FIG4: variants seen among roughly 807,000 people sequenced by gnomAD.
FIG4 encodes the protein FIG4 phosphoinositide 5-phosphatase, also known as polyphosphoinositide phosphatase.
FIG4 carries 112 observed loss-of-function variants against 118.6 expected under a neutral mutation model. That is an observed-to-expected ratio of 0.94 (90% CI 0.81 to 1.11). The LOEUF is 1.11. Ranked by LOEUF, FIG4 falls within the 50% of genes least tolerant of loss-of-function variation. The probability of loss-of-function intolerance (pLI) is 0.00; values close to 1 mark genes in which losing one functional copy is unlikely to be tolerated. For synonymous variants in FIG4, 369 were observed against 381.2 expected (o/e 0.97, Z 0.37); for missense variants, 969 against 1,111.7 (o/e 0.87, Z 1.83).
At chr6:109,769,861 G>C (rs13198879) in intron 15 of FIG4, among the ~76,000 whole-genome samples, 42,904 of 152,126 alleles carry the variant, frequency 0.28, 6,110 homozygotes, top group Middle Eastern at 0.36. Flanking sequence ...CGAGGCTGCA[G>C]TGAACTATGA....
At chr6:109,766,370 C>CT (rs1386008300) in intron 14 of FIG4, among the ~76,000 whole-genome samples, 2 of 152,170 alleles carry the variant, frequency 1.3e-5, no homozygotes, top group African/African-American at 4.8e-5. Flanking sequence ...GGAGCATATT[C>CT]TTTTTTCAGA....
intron 22 of FIG4, among the ~76,000 whole-genome samples, chr6:109,814,171 C>T (rs1044797202): frequency 1.3e-5 from 2 of 152,102 alleles, no homozygotes; most frequent in South Asian, 2.1e-4. Flanking sequence ...TATTTAAAGA[C>T]AGTCTCGCTC....
At chr6:109,762,014 T>C (rs1450112078) in intron 11 of FIG4, 77 bp from the exon 12 acceptor site, 3 of 850,294 alleles carry the variant, frequency 3.5e-6, no homozygotes, top group South Asian at 1.4e-5. Flanking sequence ...CTATAGACTT[T>C]ACTGGCTTTA....
chr6:109,800,133 G>A (rs893313007), intron 22 of FIG4, among the ~76,000 whole-genome samples: 2 of 152,024 alleles, frequency 1.3e-5, no homozygotes, highest in Admixed American at 1.3e-4. Flanking sequence ...CTAGCAAGTA[G>A]AGGAACCAGG....
In FIG4 at chr6:109,743,210, G is replaced by A. The variant is rs1776380331; in HGVS notation, c.977G>A (p.Gly326Glu). 1 of 1,612,986 alleles carries A rather than the reference G, an allele frequency of 6.2e-7. No individual in the cohort carries two copies. Residue 326 changes from glycine to glutamate, a missense_variant, in exon 9 of 23, where the codon GGA becomes GAA. By Grantham distance (98) the Gly-to-Glu change is moderately conservative (BLOSUM62 -2). Coordinates refer to ENST00000230124, the MANE Select transcript of FIG4 (RefSeq NM_014845.6). Reference sequence around the variant, plus strand: ...TATTCTTCATATGTACAAGTTAGAGGATCTGTGCCCTTATACTGGTCTCAG... The same window carrying A: ...TATTCTTCATATGTACAAGTTAGAGAATCTGTGCCCTTATACTGGTCTCAG... ...GSYSSYVQVR[G>E]SVPLYWSQDI... is the part of the protein sequence containing the mutation.
intron 15 of FIG4, among the ~76,000 whole-genome samples, chr6:109,768,560 C>A (rs1164817221): frequency 6.6e-6 from 1 of 152,132 alleles, no homozygotes; most frequent in Non-Finnish European, 1.5e-5. Context: ...TGCTTAGGGT[C>A]TCTCAAGGCT....
chr6:109,815,671 G>A (rs1009427236), intron 22 of FIG4, among the ~76,000 whole-genome samples: 4 of 151,928 alleles, frequency 2.6e-5, no homozygotes, highest in East Asian at 1.9e-4. Context: ...AAAGGCCATC[G>A]GCACTGAAAG....
intron 1 of FIG4, among the ~76,000 whole-genome samples, chr6:109,696,463 C>CTTAGTTTATT (rs1774722882): frequency 6.6e-6 from 1 of 152,104 alleles, no homozygotes; most frequent in Non-Finnish European, 1.5e-5. Context: ...GCACTATTCA[C>CTTAGTTTATT]GATAGCTAAG....
At chr6:109,816,934 T>G (rs1345033800) in intron 22 of FIG4, among the ~76,000 whole-genome samples, 1 of 152,196 alleles carries the variant, frequency 6.6e-6, no homozygotes, top group African/African-American at 2.4e-5. Flanking sequence ...TGGTCTGAGT[T>G]TCCAGGAGTG....
intron 15 of FIG4, among the ~76,000 whole-genome samples, chr6:109,774,715 G>A (rs1777567884): frequency 6.6e-6 from 1 of 152,036 alleles, no homozygotes; most frequent in Admixed American, 6.5e-5. Flanking sequence ...TATATCCATT[G>A]GCTGTTTCTG....
In FIG4 at chr6:109,746,279, C is replaced by G. The variant is rs141968943; in HGVS notation, c.1137+2507C>G. Among the ~76,000 whole-genome samples the G allele has an allele frequency of 7.6e-3, 1,151 of 152,238 alleles. 17 individuals carry two copies. The highest frequency in any genetic ancestry group is 0.026 in the African/African-American group (1,101 of 41,566). ...TTTGAGAGTTTCCTATGTGCAAAGG[C>G]AGTTCTAGAAACAGCTCCTGCCTTG... is the stretch of plus-strand genomic sequence containing the variant. On this transcript the variant is annotated intron_variant, in intron 10 of 22. Transcript: ENST00000230124.
chr6:109,748,012 C>T (rs900602646), intron 10 of FIG4, among the ~76,000 whole-genome samples: 3 of 152,102 alleles, frequency 2.0e-5, no homozygotes, highest in Non-Finnish European at 4.4e-5. Flanking sequence ...TATTTGTGAG[C>T]ATGCACATTC....
At chr6:109,784,280 T>C (rs1777889446) in intron 16 of FIG4, among the ~76,000 whole-genome samples, 1 of 152,210 alleles carries the variant, frequency 6.6e-6, no homozygotes, top group Non-Finnish European at 1.5e-5. Context: ...AGAAGGCCAC[T>C]TAGGATTCTT....
At chr6:109,801,409 A>G (rs779177110) in intron 22 of FIG4, among the ~76,000 whole-genome samples, 2 of 151,970 alleles carry the variant, frequency 1.3e-5, no homozygotes, top group Non-Finnish European at 2.9e-5. Flanking sequence ...TTAGCCGGGC[A>G]AGGTGGCAGG....
In FIG4 at chr6:109,744,887, C is replaced by T. The variant is rs115381104; in HGVS notation, c.1137+1115C>T. ...TTCCCACTTACGAGTGAGAACATGG[C>T]AGTTTTTGATTTCCTGTTCCTGTGT... On this transcript the variant is annotated intron_variant, in intron 10 of 22. Transcript: ENST00000230124. Among the ~76,000 whole-genome samples the T allele has an allele frequency of 5.0e-3, 751 of 149,484 alleles. 7 individuals are homozygous for T. The highest frequency in any genetic ancestry group is 0.037 in the Middle Eastern group (11 of 294).
At chr6:109,727,671 A>G (rs965564967) in intron 4 of FIG4, among the ~76,000 whole-genome samples, 2 of 152,192 alleles carry the variant, frequency 1.3e-5, no homozygotes, top group African/African-American at 4.8e-5. Flanking sequence ...AAAAAACAGC[A>G]GACATTCTTA....
At chr6:109,697,359 C>T (rs1344942199) in intron 1 of FIG4, among the ~76,000 whole-genome samples, 1 of 151,702 alleles carries the variant, frequency 6.6e-6, no homozygotes, top group East Asian at 1.9e-4. Flanking sequence ...CTCATGAAGT[C>T]GCAGTCAAGA....
intron 6 of FIG4, among the ~76,000 whole-genome samples, chr6:109,737,841 C>G (rs1379684755): frequency 7.9e-5 from 12 of 152,090 alleles, no homozygotes. Flanking sequence ...TCATTTCGTC[C>G]TTAAAACAAC....
chr6:109,754,846 C>T (rs1425128295), intron 10 of FIG4, among the ~76,000 whole-genome samples: 2 of 152,056 alleles, frequency 1.3e-5, no homozygotes, highest in Non-Finnish European at 1.5e-5. Flanking sequence ...ATTAGTCTTG[C>T]TAGCAGTCTA....
Sources: allele counts gnomAD v4.1 joint callset (sites outside exome capture counted in the v4.1 genomes callset), GRCh38; gene constraint gnomAD v4.1.1; transcripts MANE v1.5; gene names NCBI Gene and HGNC (gene_info 2026-07-23, HGNC 2026-07-21).